CPAMD8: variants seen among roughly 807,000 people sequenced by gnomAD.
CPAMD8 encodes the protein C3 and PZP like alpha-2-macroglobulin domain containing 8.
A neutral mutation model predicts 224.7 loss-of-function variants in CPAMD8; 146 were observed. The ratio of observed to expected loss-of-function variants is 0.65; its 90% CI spans 0.57 to 0.75. The LOEUF is 0.75. CPAMD8 is among the 30% of genes least tolerant of loss of function. CPAMD8 has a pLI of 0.00. For missense variants in CPAMD8, 2,301 were observed against 2,537.5 expected (o/e 0.91, Z 2.00); for synonymous variants, 966 against 1,044.6 (o/e 0.92, Z 1.45).
chr19:16,907,308 T>C (rs1361150554), intron 29 of CPAMD8, among the ~76,000 whole-genome samples, 191 bp from the exon 30 acceptor site: 6 of 10,770 alleles, frequency 5.6e-4, no homozygotes, highest in African/African-American at 2.5e-3. Flanking sequence ...CTTTCTTGCC[T>C]TTTTTTTTTT....
At chr19:16,955,701 G>A (rs1458789368) in intron 19 of CPAMD8, among the ~76,000 whole-genome samples, 1 of 152,070 alleles carries the variant, frequency 6.6e-6, no homozygotes, top group Non-Finnish European at 1.5e-5. Flanking sequence ...TTTTGAGACA[G>A]GGTCTCACTC....
chr19:16,946,844 C>T (rs377443688), intron 21 of CPAMD8, among the ~76,000 whole-genome samples: 163 of 152,184 alleles, frequency 1.1e-3, no homozygotes, highest in African/African-American at 3.9e-3. Context: ...ACTGGGTTGG[C>T]ACCTTAAGAG....
intron 14 of CPAMD8, among the ~76,000 whole-genome samples, 153 bp from the exon 15 acceptor site, chr19:16,977,693 G>A (rs2055332638): frequency 6.6e-6 from 1 of 152,166 alleles, no homozygotes; most frequent in Non-Finnish European, 1.5e-5. Context: ...CCCTTCCCAG[G>A]CTACATCCTC....
At chr19:16,995,134 T>C (rs2056083815) in intron 11 of CPAMD8, among the ~76,000 whole-genome samples, 1 of 152,218 alleles carries the variant, frequency 6.6e-6, no homozygotes. Context: ...ACACAGGAGA[T>C]GTGTCTGTGC....
Position 16,902,053 on chromosome 19 carries a change from G to T in CPAMD8, c.4685+596C>A, listed in dbSNP as rs185601950. 4.1e-3 allele frequency among the ~76,000 whole-genome samples: 619 copies of T among 152,178 alleles called. 8 individuals carry two copies. Among genetic ancestry groups the T allele is most frequent in the African/African-American group, 0.014 (578 of 41,524 alleles). On this transcript the variant is annotated intron_variant, in intron 35 of 41. Coordinates refer to ENST00000443236, the MANE Select transcript of CPAMD8 (RefSeq NM_015692.5). ...CCATGGCAACAAACATCTTCTTAGG[G>T]TGAGGGCCCGCTGCGGCCGGGTCCC...
chr19:16,902,869 G>A lies in CPAMD8; in HGVS notation c.4471-6C>T, dbSNP rs1473928709. 2 of 1,514,812 alleles carry A rather than the reference G, an allele frequency of 1.3e-6. No individual in the cohort carries two copies. Among genetic ancestry groups the A allele is most frequent in the Admixed American group, 2.1e-5 (1 of 47,408 alleles). 93.8% of individuals were successfully genotyped at this position (1,514,812 alleles called of 1,614,324 possible). A position where few individuals can be genotyped will look rare whatever the true frequency, so the allele number is the denominator to read the frequency against. On this transcript the variant is annotated splice_polypyrimidine_tract_variant and splice_region_variant and intron_variant, in intron 34 of 41. Transcript: ENST00000443236. ...ACATTGTAGGTGACATCAATCTGGG[G>A]GGTGTTGGAGGATGGAGGCTTAGGG...
intron 21 of CPAMD8, among the ~76,000 whole-genome samples, chr19:16,946,215 GTC>G (rs2054075474): frequency 6.6e-6 from 1 of 151,674 alleles, no homozygotes; most frequent in Admixed American, 6.6e-5. Flanking sequence ...GCAGGCATGT[GTC>G]TGTGTGTGTG....
intron 16 of CPAMD8, 126 bp from the exon 17 acceptor site, chr19:16,975,384 G>A (rs1325278870): frequency 9.8e-6 from 7 of 716,328 alleles, no homozygotes; most frequent in South Asian, 1.8e-5. Context: ...CCAGGAGATG[G>A]GCACTGGTAG....
At chr19:17,003,724 G>A (rs1477533116) in intron 8 of CPAMD8, among the ~76,000 whole-genome samples, 20 of 149,266 alleles carry the variant, frequency 1.3e-4, no homozygotes, top group African/African-American at 4.7e-4. Context: ...GCTTCAGTGA[G>A]CCAAGATCGC....
intron 21 of CPAMD8, 152 bp from the exon 22 acceptor site, chr19:16,945,831 G>C (rs1262198599): frequency 1.3e-6 from 1 of 744,054 alleles, no homozygotes; most frequent in Non-Finnish European, 2.3e-6. Context: ...ATGCATGCAA[G>C]TGTGTATGTC....
chr19:16,982,536 G>C (rs529704704), intron 13 of CPAMD8, among the ~76,000 whole-genome samples: 3 of 152,274 alleles, frequency 2.0e-5, no homozygotes, highest in African/African-American at 7.2e-5. Context: ...AATTTGAGCA[G>C]CAAAAAGAAG....
chr19:16,967,896 T>TATATATGTGCATATATACACACACACGA (rs2054903327), intron 18 of CPAMD8, among the ~76,000 whole-genome samples: 1 of 144,778 alleles, frequency 6.9e-6, no homozygotes, highest in African/African-American at 2.6e-5. Context: ...CACACATGTG[T>TATATATGTGCATATATACACACACACGA]GTGTATATAT....
intron 14 of CPAMD8, among the ~76,000 whole-genome samples, chr19:16,979,513 T>C (rs564653457): frequency 1.3e-5 from 2 of 150,034 alleles, no homozygotes; most frequent in Non-Finnish European, 3.0e-5. Flanking sequence ...TTTTGGTCCA[T>C]CCATCCATCC....
At chr19:16,902,891 A>G in intron 34 of CPAMD8, 28 bp from the exon 35 acceptor site, 1 of 1,468,186 alleles carries the variant, frequency 6.8e-7, no homozygotes, top group Non-Finnish European at 9.2e-7. Context: ...ATGGAGGCTT[A>G]GGGACCTGGG....
In CPAMD8 at chr19:16,928,049, G is replaced by A. The variant is rs543698501; in HGVS notation, c.3330C>T (p.Gly1110=). 152 of 1,613,640 alleles carry A rather than the reference G, an allele frequency of 9.4e-5. 2 individuals are homozygous for A. Among genetic ancestry groups the A allele is most frequent in the South Asian group, 8.0e-4 (73 of 91,080 alleles). ...SEAFTLGVPH[G]AIPGSERATA... is the part of the protein sequence containing the mutation. ...TGGCTCGCTCAGACCCAGGGATGGCGCCGTGTGGGACCCCCAGGGTGAAGG... is the reference window on the plus strand; with the variant it reads ...TGGCTCGCTCAGACCCAGGGATGGCACCGTGTGGGACCCCCAGGGTGAAGG... Residue 1110 remains glycine (G), a synonymous_variant, in exon 25 of 42, where the codon GGC becomes GGT. Transcript: ENST00000443236.
chr19:17,007,317 A>T (rs2056518634), intron 7 of CPAMD8, among the ~76,000 whole-genome samples: 1 of 151,762 alleles, frequency 6.6e-6, no homozygotes, highest in African/African-American at 2.4e-5. Context: ...CTGGGTGACA[A>T]TAGCAAGACT....
intron 5 of CPAMD8, among the ~76,000 whole-genome samples, chr19:17,010,908 A>G (rs2056627201): frequency 6.6e-6 from 1 of 152,058 alleles, no homozygotes; most frequent in South Asian, 2.1e-4. Flanking sequence ...CTGTAATCCC[A>G]ACTACTCAGG....
intron 21 of CPAMD8, among the ~76,000 whole-genome samples, chr19:16,946,693 T>G (rs576331543): frequency 6.2e-5 from 9 of 144,572 alleles, no homozygotes; most frequent in Non-Finnish European, 9.1e-5. Flanking sequence ...TACACGTGGG[T>G]GTGTGTGTGG....
Position 16,904,531 on chromosome 19 carries a change from A to G in CPAMD8, c.4049T>C (p.Leu1350Pro), listed in dbSNP as rs373585909. The change falls in exon 31 of 42, where the codon CTG (leucine) becomes CCG (proline). Residue 1350 changes from leucine to proline, a missense_variant. Leu to Pro is a moderately conservative substitution (Grantham distance 98, BLOSUM62 -3). Coordinates refer to ENST00000443236, the MANE Select transcript of CPAMD8 (RefSeq NM_015692.5). ...CTTGTCCACGTCCCAGGAATTTGAC[A>G]GGCTCCAGTGGGTGACCCCATCTGC... ...IMRDGVTHWSLSNSWDVDKGT... is the reference protein window; with the variant it reads ...IMRDGVTHWSPSNSWDVDKGT... 12 of 1,613,784 alleles carry G rather than the reference A, an allele frequency of 7.4e-6. No individual in the cohort carries two copies. In the African/African-American group the frequency reaches 1.6e-4, roughly 22 times the overall value.
Sources: gnomAD v4.1 joint callset for allele counts (sites outside exome capture counted in the v4.1 genomes callset) on GRCh38, gnomAD v4.1.1 for gene constraint, MANE v1.5 for transcripts, NCBI Gene and HGNC (gene_info 2026-07-23, HGNC 2026-07-21) for gene names.